The following SLC45A1 variants were observed in gnomAD, a reference collection of about 807,000 sequenced individuals.
SLC45A1 encodes solute carrier family 45 member 1.
SLC45A1 carries 28 observed loss-of-function variants against 57.6 expected under a neutral mutation model. The ratio of observed to expected loss-of-function variants is 0.49; its 90% CI spans 0.36 to 0.67. SLC45A1 has a LOEUF of 0.67. Ranked by LOEUF, SLC45A1 falls within the 30% of genes least tolerant of loss-of-function variation. The probability of loss-of-function intolerance (pLI) is 0.00; values close to 1 mark genes in which losing one functional copy is unlikely to be tolerated. For missense variants in SLC45A1, 814 were observed against 1,041.5 expected (o/e 0.78, Z 3.01); for synonymous variants, 459 against 471.5 (o/e 0.97, Z 0.34).
intron 1 of SLC45A1, among the ~76,000 whole-genome samples, chr1:8,322,791 C>T (rs1050493280): frequency 7.9e-5 from 12 of 152,152 alleles, no homozygotes; most frequent in African/African-American, 2.2e-4. Context: ...TTGGGGCCTA[C>T]GTCTCAGGAA....
chr1:8,333,887 T>A (rs1640507257), intron 5 of SLC45A1, among the ~76,000 whole-genome samples: 1 of 152,234 alleles, frequency 6.6e-6, no homozygotes, highest in African/African-American at 2.4e-5. Context: ...CTGTTGAGGT[T>A]CCTGGTGGCA....
At chr1:8,337,702 G>A in intron 6 of SLC45A1, 114 bp from the exon 7 acceptor site, 1 of 1,004,968 alleles carries the variant, frequency 1.0e-6, no homozygotes. Context: ...ACAGGCGTGA[G>A]CCACCACGCC....
In SLC45A1 at chr1:8,320,837, G is replaced by T. The variant is rs1382327831; in HGVS notation, c.-25+2651G>T. On this transcript the variant is annotated intron_variant, in intron 1 of 8. Transcript: ENST00000471889. ...CTAATGCACTTAAGTTCACATTATG[G>T]TTAAAATGCTGATTAGAAAGAGTGG... Among the ~76,000 whole-genome samples the T allele has an allele frequency of 2.0e-5, 3 of 152,102 alleles. No individual in the cohort carries two copies. The East Asian group carries it at 5.8e-4, about 29-fold the overall frequency.
At chr1:8,340,920 T>C (rs1341766393) in intron 8 of SLC45A1, among the ~76,000 whole-genome samples, 6 of 151,956 alleles carry the variant, frequency 3.9e-5, no homozygotes, top group Non-Finnish European at 7.4e-5. Flanking sequence ...GGTCCGGGCG[T>C]GGTGGCTCAC....
In SLC45A1 at chr1:8,330,513, G is replaced by A. The variant is rs754443263; in HGVS notation, c.1020G>A (p.Pro340=). ...CCAACTTCTCCAGCCCCATCTCGCC[G>A]CCCAGCCCCCTCACGCCCAAGTACG... is the stretch of plus-strand genomic sequence containing the variant. ...TATNFSSPIS[P]PSPLTPKYGS... The change falls in exon 5 of 9, where the codon CCG becomes CCA. Residue 340 remains proline (P), a synonymous_variant. Transcript: ENST00000471889. This position sits in a 1 kb window ranked among gnomAD's most constrained non-coding sequence, Gnocchi z 8.4. The A allele has an allele frequency of 1.4e-5, 22 of 1,613,100 alleles. No homozygotes were observed. The highest frequency in any genetic ancestry group is 1.6e-4 in the Middle Eastern group (1 of 6,062).
rs201202242 is a variant in SLC45A1 at position 8,344,021 on chromosome 1, G to A, written c.*8G>A. 4 of 1,600,844 alleles carry A rather than the reference G, an allele frequency of 2.5e-6. No individual in the cohort carries two copies. Among genetic ancestry groups the A allele is most frequent in the Non-Finnish European group, 3.4e-6 (4 of 1,171,860 alleles). ...CTCCTGCTGAACGTCTGACATCGCG[G>A]AGCCTCGACTCCGGACACGCGCCTG... On this transcript the variant is annotated 3_prime_UTR_variant, in exon 9 of 9. Transcript: ENST00000471889.
chr1:8,326,804 C>T lies in SLC45A1; in HGVS notation c.715+762C>T, dbSNP rs183860854. 5.3e-5 allele frequency among the ~76,000 whole-genome samples: 8 copies of T among 152,126 alleles called. No homozygotes were observed. The highest frequency in any genetic ancestry group is 1.9e-4 in the East Asian group (1 of 5,182). Reference sequence around the variant, plus strand: ...GACCAGCCTGACCAACATGGAGAAACGACATCTCTACTAAAAATACAAAAA... The same window carrying T: ...GACCAGCCTGACCAACATGGAGAAATGACATCTCTACTAAAAATACAAAAA... On this transcript the variant is annotated intron_variant, in intron 4 of 8. Coordinates refer to ENST00000471889, the MANE Select transcript of SLC45A1 (RefSeq NM_001080397.3). The surrounding 1 kb of genome is among the most constrained non-coding windows in gnomAD (Gnocchi z 5.5).
chr1:8,325,233 G>A lies in SLC45A1; in HGVS notation c.398-65G>A. On this transcript the variant is annotated intron_variant, in intron 2 of 8. Transcript: ENST00000471889. The surrounding 1 kb of genome is among the most constrained non-coding windows in gnomAD (Gnocchi z 6.3). ...GAGCAGGCACTTCAGGAATGTGGAG[G>A]CTGATTCGATGTCCCCATGTGCCAT... 2.0e-6 allele frequency: 2 copies of A among 1,007,432 alleles called. No individual in the cohort carries two copies. Among genetic ancestry groups the A allele is most frequent in the East Asian group, 2.4e-5 (1 of 41,998 alleles). The allele number at this position is 1,007,432 out of a possible 1,614,324, so 62.4% of individuals were successfully genotyped here. A position where few individuals can be genotyped will look rare whatever the true frequency, so the allele number is the denominator to read the frequency against.
intron 7 of SLC45A1, among the ~76,000 whole-genome samples, chr1:8,338,557 A>C (rs1438289813): frequency 6.6e-6 from 1 of 152,250 alleles, no homozygotes; most frequent in Non-Finnish European, 1.5e-5. Context: ...ATTTTATCCC[A>C]GAGGTCCGCA....
chr1:8,324,854 C>T, intron 2 of SLC45A1, 128 bp downstream of exon 2: 1 of 900,468 alleles, frequency 1.1e-6, no homozygotes, highest in Non-Finnish European at 1.6e-6. Flanking sequence ...CAGTCTGGGA[C>T]TGTGGGGAAC....
chr1:8,341,398 G>T (rs1640810015), intron 8 of SLC45A1, among the ~76,000 whole-genome samples: 1 of 151,098 alleles, frequency 6.6e-6, no homozygotes. Flanking sequence ...AGCCAGGCGT[G>T]GTGGCGGACG....
intron 5 of SLC45A1, among the ~76,000 whole-genome samples, chr1:8,332,061 C>G (rs910154872): frequency 6.6e-6 from 1 of 152,122 alleles, no homozygotes; most frequent in Non-Finnish European, 1.5e-5. Flanking sequence ...CAAAGTGCTG[C>G]GATTACAGGC....
intron 8 of SLC45A1, among the ~76,000 whole-genome samples, chr1:8,342,014 T>C (rs1204987396): frequency 6.6e-6 from 1 of 152,128 alleles, no homozygotes; most frequent in East Asian, 1.9e-4. Flanking sequence ...GAGACCATCC[T>C]GGCTAACACA....
chr1:8,334,738 G>A (rs985332561), intron 5 of SLC45A1, among the ~76,000 whole-genome samples: 1 of 152,062 alleles, frequency 6.6e-6, no homozygotes, highest in Non-Finnish European at 1.5e-5. Flanking sequence ...GAAATAACAA[G>A]CTCCCCTGAC....
rs1253815628 is a variant in SLC45A1 at position 8,339,648 on chromosome 1, C to T, written c.1930C>T (p.Leu644=). 1.2e-6 allele frequency: 2 copies of T among 1,614,244 alleles called. No homozygotes were observed. The highest frequency in any genetic ancestry group is 1.1e-5 in the South Asian group (1 of 91,080). Residue 644 remains leucine, a synonymous_variant, in exon 8 of 9, where the codon CTG becomes TTG. Coordinates refer to ENST00000471889, the MANE Select transcript of SLC45A1 (RefSeq NM_001080397.3). ...CITYGILFST[L]CTLPYSLLCD... Reference sequence around the variant, plus strand: ...AACCTACGGGATTTTATTTTCCACCCTGTGCACCTTGCCTTACTCGCTGCT... The same window carrying T: ...AACCTACGGGATTTTATTTTCCACCTTGTGCACCTTGCCTTACTCGCTGCT...
chr1:8,326,532 G>A lies in SLC45A1; in HGVS notation c.715+490G>A, dbSNP rs1640208480. On this transcript the variant is annotated intron_variant, in intron 4 of 8. Coordinates refer to ENST00000471889, the MANE Select transcript of SLC45A1 (RefSeq NM_001080397.3). This position sits in a 1 kb window ranked among gnomAD's most constrained non-coding sequence, Gnocchi z 5.5. ...ACAGCGCTGCAACTCAAGCCTGAAC[G>A]AAGCGTCACTGTCGCATGCATTTTC... Among the ~76,000 whole-genome samples, 1 of 152,198 alleles carries A rather than the reference G, an allele frequency of 6.6e-6. No homozygotes were observed. Among genetic ancestry groups the A allele is most frequent in the Admixed American group, 6.5e-5 (1 of 15,286 alleles).
chr1:8,330,941 C>T lies in SLC45A1; in HGVS notation c.1443+5C>T. On this transcript the variant is annotated splice_donor_5th_base_variant and intron_variant, in intron 5 of 8. Coordinates refer to ENST00000471889, the MANE Select transcript of SLC45A1 (RefSeq NM_001080397.3). The surrounding 1 kb of genome is among the most constrained non-coding windows in gnomAD (Gnocchi z 8.4). ...AATGTGACCTTCAGTCAGCAGGTAA[C>T]AGCAAATGTCGGGGGAGCTGAGGCT... is the stretch of plus-strand genomic sequence containing the variant. The T allele has an allele frequency of 6.3e-7, 1 of 1,575,306 alleles. No homozygotes were observed. Among genetic ancestry groups the T allele is most frequent in the South Asian group, 1.1e-5 (1 of 88,122 alleles).
At chr1:8,338,962 C>T (rs547626705) in intron 7 of SLC45A1, among the ~76,000 whole-genome samples, 1 of 152,090 alleles carries the variant, frequency 6.6e-6, no homozygotes, top group Non-Finnish European at 1.5e-5. Flanking sequence ...TGGGGTGGCA[C>T]CTCGGGTGTT....
In SLC45A1 at chr1:8,344,077, G is replaced by A. The variant is rs1219183011; in HGVS notation, c.*64G>A. ...GGGGGTCTGGAGCAGGCCGACCAGTGAGGACCAAAGGGCCTTGTTGGACAG... is the reference window on the plus strand; with the variant it reads ...GGGGGTCTGGAGCAGGCCGACCAGTAAGGACCAAAGGGCCTTGTTGGACAG... On this transcript the variant is annotated 3_prime_UTR_variant, in exon 9 of 9. Transcript: ENST00000471889. The A allele has an allele frequency of 7.4e-6, 11 of 1,493,310 alleles. No individual in the cohort carries two copies. Among genetic ancestry groups the A allele is most frequent in the Non-Finnish European group, 9.9e-6 (11 of 1,105,770 alleles). 92.5% of individuals were successfully genotyped at this position (1,493,310 alleles called of 1,614,324 possible).
Sources: gnomAD v4.1 joint callset for allele counts (sites outside exome capture counted in the v4.1 genomes callset) on GRCh38, gnomAD v4.1.1 for gene constraint, Gnocchi (gnomAD v3.1) non-coding constraint, MANE v1.5 for transcripts, NCBI Gene and HGNC (gene_info 2026-07-23, HGNC 2026-07-21) for gene names.